ANKIB1: variants seen among roughly 807,000 people sequenced by gnomAD.
The protein encoded by ANKIB1 is ankyrin repeat and IBR domain-containing protein 1.
In ANKIB1, 43 loss-of-function variants were observed where a neutral mutation model predicts 122.1. That is an observed-to-expected ratio of 0.35 (90% CI 0.28 to 0.45). The LOEUF (loss-of-function observed/expected upper bound fraction) is 0.45. Among genes scored for constraint, ANKIB1 ranks in the 20% least tolerant of loss-of-function variants. The pLI, the probability that ANKIB1 is intolerant of heterozygous loss-of-function variation, is 1.00. For missense variants in ANKIB1, 992 were observed against 1,329.5 expected (o/e 0.75, Z 3.95); for synonymous variants, 390 against 442.0 (o/e 0.88, Z 1.48).
At position 92,391,330 on chromosome 7, in the gene ANKIB1, A is replaced by C; in HGVS notation, c.2217A>C (p.Glu739Asp). ...ARGVAPADSPEAPRRSFAGGT... is the reference protein window; with the variant it reads ...ARGVAPADSPDAPRRSFAGGT... ...GAGTAGCTCCTGCAGACTCACCAGA[A>C]GCTCCAAGGCGCAGGTAAAAAGGAC... The change falls in exon 16 of 20, where the codon GAA becomes GAC. Residue 739 changes from glutamate (E) to aspartate (D), a missense_variant. By Grantham distance (45) the Glu-to-Asp change is conservative. Transcript: ENST00000265742. 6.2e-7 allele frequency: 1 copy of C among 1,612,212 alleles called. No homozygotes were observed. Among genetic ancestry groups the C allele is most frequent in the Non-Finnish European group, 8.5e-7 (1 of 1,178,910 alleles).
At chr7:92,393,597 G>A (rs963003811) in intron 17 of ANKIB1, among the ~76,000 whole-genome samples, 3 of 152,074 alleles carry the variant, frequency 2.0e-5, no homozygotes, top group African/African-American at 7.2e-5. Context: ...AAGCATGTAT[G>A]TGTATCATCT....
intron 7 of ANKIB1, among the ~76,000 whole-genome samples, chr7:92,347,796 A>C (rs1244079231): frequency 6.6e-6 from 1 of 152,172 alleles, no homozygotes; most frequent in Non-Finnish European, 1.5e-5. Flanking sequence ...CCTGTTCCTC[A>C]GTTTCCTAAT....
chr7:92,299,813 G>GTT, intron 2 of ANKIB1, among the ~76,000 whole-genome samples: 1 of 150,106 alleles, frequency 6.7e-6, no homozygotes, highest in African/African-American at 2.4e-5. Flanking sequence ...CAGTAATTTT[G>GTT]TTTTTTTTTC....
rs112516041 is a variant in ANKIB1, at chr7:92,312,092, T to C, written c.486+4436T>C. 9.6e-3 allele frequency among the ~76,000 whole-genome samples: 1,462 copies of C among 152,258 alleles called. 13 individuals are homozygous for C. The highest frequency in any genetic ancestry group is 0.027 in the Middle Eastern group (8 of 294). The stretch of plus-strand genomic sequence containing the variant: ...ATCTGCCTCTTTTTTTTAAATTGCA[T>C]CAAACTCATACTACCCATGGCAGAG... On this transcript the variant is annotated intron_variant, in intron 3 of 19. Coordinates refer to ENST00000265742, the MANE Select transcript of ANKIB1 (RefSeq NM_019004.2).
chr7:92,381,786 C>T (rs1362906042), intron 11 of ANKIB1, among the ~76,000 whole-genome samples: 1 of 152,178 alleles, frequency 6.6e-6, no homozygotes, highest in Non-Finnish European at 1.5e-5. Flanking sequence ...ACTGCCAAAA[C>T]ATGCCAAATT....
chr7:92,359,982 C>T (rs1282957746), intron 9 of ANKIB1, among the ~76,000 whole-genome samples: 1 of 152,080 alleles, frequency 6.6e-6, no homozygotes, highest in Non-Finnish European at 1.5e-5. Context: ...CTCTGTAAAA[C>T]CACAATTATG....
At chr7:92,332,797 C>T (rs866312668) in intron 5 of ANKIB1, among the ~76,000 whole-genome samples, 1 of 152,138 alleles carries the variant, frequency 6.6e-6, no homozygotes, top group African/African-American at 2.4e-5. Context: ...GGAAATAATA[C>T]ATTTCTCCCC....
intron 2 of ANKIB1, among the ~76,000 whole-genome samples, chr7:92,299,054 GTACT>G (rs1802410803): frequency 6.6e-6 from 1 of 152,174 alleles, no homozygotes; most frequent in South Asian, 2.1e-4. Context: ...TTAGACTTGG[GTACT>G]TAGCCAACAT....
intron 7 of ANKIB1, among the ~76,000 whole-genome samples, chr7:92,345,695 A>G (rs1803523075): frequency 6.6e-6 from 1 of 152,214 alleles, no homozygotes; most frequent in Non-Finnish European, 1.5e-5. Context: ...TGAGCACTGT[A>G]ATGTCATGTT....
chr7:92,325,478 A>G (rs963238951), intron 4 of ANKIB1, among the ~76,000 whole-genome samples: 2 of 152,078 alleles, frequency 1.3e-5, no homozygotes, highest in African/African-American at 4.8e-5. Flanking sequence ...TTTCCTGGCT[A>G]TTTTTTCCAC....
intron 3 of ANKIB1, among the ~76,000 whole-genome samples, chr7:92,307,962 C>T (rs968796505): frequency 4.0e-5 from 6 of 151,420 alleles, no homozygotes; most frequent in African/African-American, 7.3e-5. Flanking sequence ...TACAGGCACG[C>T]GCCACAATTA....
intron 1 of ANKIB1, among the ~76,000 whole-genome samples, chr7:92,282,932 C>T (rs141471559): frequency 1.3e-3 from 199 of 152,254 alleles, no homozygotes; most frequent in African/African-American, 4.5e-3. Context: ...CAGTTTTCTG[C>T]TTGTAGACCT....
chr7:92,392,024 G>A (rs571427778), intron 16 of ANKIB1, among the ~76,000 whole-genome samples: 88 of 151,962 alleles, frequency 5.8e-4, no homozygotes, highest in Non-Finnish European at 1.0e-3. Context: ...TTATAACATG[G>A]TAATTTTTAT....
chr7:92,299,801 T>A (rs1802425162), intron 2 of ANKIB1, among the ~76,000 whole-genome samples: 1 of 151,872 alleles, frequency 6.6e-6, no homozygotes, highest in African/African-American at 2.4e-5. Flanking sequence ...CTTAGGAACC[T>A]ACAGTAATTT....
intron 1 of ANKIB1, among the ~76,000 whole-genome samples, chr7:92,290,779 G>A (rs949005489): frequency 6.6e-6 from 1 of 152,082 alleles, no homozygotes; most frequent in African/African-American, 2.4e-5. Context: ...GAGATTTGAA[G>A]CTAGAATTAT....
intron 7 of ANKIB1, 74 bp downstream of exon 7, chr7:92,345,140 C>A: frequency 8.9e-7 from 1 of 1,126,344 alleles, no homozygotes; most frequent in Non-Finnish European, 1.3e-6. Context: ...TGTTTGCTTT[C>A]AGTATTTAAT....
chr7:92,372,863 T>C (rs1804303724), intron 11 of ANKIB1, among the ~76,000 whole-genome samples: 1 of 152,114 alleles, frequency 6.6e-6, no homozygotes, highest in Non-Finnish European at 1.5e-5. Context: ...AAAATGATTA[T>C]TTAAAGTTAT....
chr7:92,293,644 CA>C (rs1244719788), intron 1 of ANKIB1, among the ~76,000 whole-genome samples: 1 of 152,208 alleles, frequency 6.6e-6, no homozygotes, highest in Non-Finnish European at 1.5e-5. Flanking sequence ...ATAATTATAT[CA>C]TTGCCCTGCA....
At chr7:92,303,877 A>T (rs145962081) in intron 2 of ANKIB1, among the ~76,000 whole-genome samples, 1 of 152,318 alleles carries the variant, frequency 6.6e-6, no homozygotes, top group East Asian at 1.9e-4. Context: ...TAGAAGAAAT[A>T]GAGGTAACAG....
Sources: gnomAD v4.1 joint callset for allele counts (sites outside exome capture counted in the v4.1 genomes callset) on GRCh38, gnomAD v4.1.1 for gene constraint, MANE v1.5 for transcripts, NCBI Gene and HGNC (gene_info 2026-07-23, HGNC 2026-07-21) for gene names.